Variants in SYCP2 observed in about 807,000 individuals in gnomAD.
SYCP2 encodes the protein synaptonemal complex protein 2.
Under a neutral mutation model 211.3 loss-of-function variants are expected in SYCP2, and 55 were observed. The observed-to-expected ratio is 0.26, with a 90% confidence interval of 0.21 to 0.33. The LOEUF is 0.33. Among genes scored for constraint, SYCP2 ranks in the 10% least tolerant of loss-of-function variants. The pLI, the probability that SYCP2 is intolerant of heterozygous loss-of-function variation, is 1.00. For synonymous variants in SYCP2, 570 were observed against 555.2 expected (o/e 1.03, Z -0.37); for missense variants, 1,731 against 1,752.0 (o/e 0.99, Z 0.21).
chr20:59,879,832 T>TATATATATATAA (rs2059635888), intron 31 of SYCP2, among the ~76,000 whole-genome samples: 1 of 27,266 alleles, frequency 3.7e-5, no homozygotes, highest in Admixed American at 3.6e-4. Flanking sequence ...AATATATATA[T>TATATATATATAA]ATATATATAT....
At chr20:59,916,334 A>G in intron 8 of SYCP2, 152 bp downstream of exon 8, 1 of 584,276 alleles carries the variant, frequency 1.7e-6, no homozygotes, top group Non-Finnish European at 3.1e-6. Flanking sequence ...TTCAGTAAGT[A>G]TTTCGGAAAT....
rs1463568883 is a variant in SYCP2, at chr20:59,932,163, A to G, written c.-139-9T>C. On this transcript the variant is annotated splice_polypyrimidine_tract_variant and intron_variant, in intron 1 of 44. Transcript: ENST00000357552. Reference sequence around the variant, plus strand: ...AGATGATGATTGTGTATCTGCAGGCAGATAAAAGCGTTACGGATAAAAACA... The same window carrying G: ...AGATGATGATTGTGTATCTGCAGGCGGATAAAAGCGTTACGGATAAAAACA... 6.6e-6 allele frequency: 1 copy of G among 152,218 alleles called. No homozygotes were observed. The highest frequency in any genetic ancestry group is 1.5e-5 in the Non-Finnish European group (1 of 68,036). The allele number at this position is 152,218 out of a possible 1,614,324, so 9.4% of individuals were successfully genotyped here. A position where few individuals can be genotyped will look rare whatever the true frequency, so the allele number is the denominator to read the frequency against.
At chr20:59,931,065 C>T (rs994113976) in intron 2 of SYCP2, among the ~76,000 whole-genome samples, 1 of 152,190 alleles carries the variant, frequency 6.6e-6, no homozygotes, top group African/African-American at 2.4e-5. Flanking sequence ...AGTCCATCAT[C>T]AGATATCCAT....
Position 59,904,458 on chromosome 20 carries a change from G to C in SYCP2, c.1034-2648C>G, listed in dbSNP as rs2060177179. Among the ~76,000 whole-genome samples, 4 of 152,070 alleles carry C rather than the reference G, an allele frequency of 2.6e-5. No individual in the cohort carries two copies. In the South Asian group the frequency reaches 8.3e-4, roughly 32 times the overall value. The stretch of plus-strand genomic sequence containing the variant: ...GAGTAATAGAGGCAAACAAGACAAA[G>C]AGTAAATTTAAAACTAGAACTAAAC... On this transcript the variant is annotated intron_variant, in intron 15 of 44. Transcript: ENST00000357552.
At chr20:59,891,893 G>A in intron 24 of SYCP2, 97 bp downstream of exon 24, 2 of 1,060,202 alleles carry the variant, frequency 1.9e-6, no homozygotes, top group Non-Finnish European at 2.7e-6. Context: ...TATTACACAT[G>A]TTAAATGTGT....
chr20:59,902,489 T>C (rs1420507317), intron 15 of SYCP2, among the ~76,000 whole-genome samples: 2 of 152,110 alleles, frequency 1.3e-5, no homozygotes, highest in Admixed American at 1.3e-4. Flanking sequence ...AGGAATTCTA[T>C]TGCTGAATGA....
chr20:59,919,919 T>C (rs2060509785), intron 5 of SYCP2, among the ~76,000 whole-genome samples: 1 of 151,730 alleles, frequency 6.6e-6, no homozygotes, highest in South Asian at 2.1e-4. Flanking sequence ...CATTTTGATA[T>C]TGTTACTATA....
In SYCP2 at chr20:59,873,715, A is replaced by G. The variant is rs566783541; in HGVS notation, c.3555+141T>C. Reference sequence around the variant, plus strand: ...TGGCAAGTATCTCTCTCTTGTCATTATGTCCCTCTCCCCCAAGACCCTAGA... The same window carrying G: ...TGGCAAGTATCTCTCTCTTGTCATTGTGTCCCTCTCCCCCAAGACCCTAGA... On this transcript the variant is annotated intron_variant, in intron 35 of 44. Transcript: ENST00000357552. 2.6e-5 allele frequency: 16 copies of G among 611,272 alleles called. No homozygotes were observed. The South Asian group carries it at 3.6e-4, about 14-fold the overall frequency. 37.9% of individuals were successfully genotyped at this position (611,272 alleles called of 1,614,324 possible). A position where few individuals can be genotyped will look rare whatever the true frequency, so the allele number is the denominator to read the frequency against.
At chr20:59,915,906 C>T (rs1001340579) in intron 8 of SYCP2, among the ~76,000 whole-genome samples, 16 of 152,016 alleles carry the variant, frequency 1.1e-4, no homozygotes, top group East Asian at 1.9e-4. Context: ...GCAGGAGAAG[C>T]GCTTGAACCT....
chr20:59,924,516 C>T (rs1031832844), intron 2 of SYCP2, among the ~76,000 whole-genome samples: 20 of 151,892 alleles, frequency 1.3e-4, no homozygotes, highest in Non-Finnish European at 2.8e-4. Flanking sequence ...GGGATGGATA[C>T]CCCATTCTCC....
intron 5 of SYCP2, 85 bp from the exon 6 acceptor site, chr20:59,919,682 A>G (rs2060505107): frequency 3.9e-6 from 3 of 761,164 alleles, no homozygotes; most frequent in Non-Finnish European, 6.2e-6. Flanking sequence ...CAGTAAACCT[A>G]GGAATAAAGA....
chr20:59,920,918 T>TG (rs2060529641), intron 4 of SYCP2, among the ~76,000 whole-genome samples: 1 of 151,612 alleles, frequency 6.6e-6, no homozygotes, highest in Admixed American at 6.6e-5. Flanking sequence ...ATTCAAAGTT[T>TG]GGGGTGATTT....
rs747977568 is a variant in SYCP2, at chr20:59,922,401, G to C, written c.13C>G (p.Pro5Ala). MPIR[P>A]DLQQLEKCID... ...CTAGGACTACATACCTGGAGATCTG[G>C]TCTTATTGGCATTTTGACTTCATTT... The change falls in exon 3 of 45, where the codon CCA becomes GCA. Residue 5 changes from proline to alanine, a missense_variant. Physicochemically the swap from Pro to Ala is conservative, Grantham distance 27 (BLOSUM62 -1). Transcript: ENST00000357552. The C allele has an allele frequency of 1.3e-6, 2 of 1,562,880 alleles. No individual in the cohort carries two copies. The highest frequency in any genetic ancestry group is 1.7e-6 in the Non-Finnish European group (2 of 1,160,378).
intron 14 of SYCP2, among the ~76,000 whole-genome samples, chr20:59,910,506 G>A (rs962570791): frequency 5.5e-5 from 8 of 145,016 alleles, no homozygotes; most frequent in Admixed American, 2.9e-4. Flanking sequence ...TCAACCTCCC[G>A]AGCAGCTGGG....
At chr20:59,889,953 T>C (rs1049528599) in intron 24 of SYCP2, among the ~76,000 whole-genome samples, 1 of 152,016 alleles carries the variant, frequency 6.6e-6, no homozygotes, top group Non-Finnish European at 1.5e-5. Context: ...TTTTACACTG[T>C]TGGGAGTGTA....
At chr20:59,932,177 C>G (rs140425806) in intron 1 of SYCP2, 23 bp from the exon 2 acceptor site, 105 of 152,108 alleles carry the variant, frequency 6.9e-4, no homozygotes, top group African/African-American at 2.5e-3. Flanking sequence ...AAAAGCGTTA[C>G]GGATAAAAAC....
At chr20:59,905,653 TTTA>T (rs1269307533) in intron 15 of SYCP2, among the ~76,000 whole-genome samples, 2 of 152,164 alleles carry the variant, frequency 1.3e-5, no homozygotes, top group Non-Finnish European at 2.9e-5. Context: ...GGGTGATATG[TTTA>T]TTAACTTAAT....
chr20:59,885,565 G>A (rs1443760669), intron 26 of SYCP2, among the ~76,000 whole-genome samples: 4 of 151,970 alleles, frequency 2.6e-5, no homozygotes, highest in African/African-American at 4.8e-5. Flanking sequence ...AAAGAGTAAA[G>A]GTTTTTTTTA....
chr20:59,921,276 T>C (rs373808640), intron 4 of SYCP2, 34 bp downstream of exon 4: 5 of 1,560,042 alleles, frequency 3.2e-6, no homozygotes, highest in Non-Finnish European at 3.5e-6. Flanking sequence ...TATCTAATAA[T>C]TGTAACAATC....
Sources: gnomAD v4.1 joint callset for allele counts (sites outside exome capture counted in the v4.1 genomes callset) on GRCh38, gnomAD v4.1.1 for gene constraint, MANE v1.5 for transcripts, NCBI Gene and HGNC (gene_info 2026-07-23, HGNC 2026-07-21) for gene names.